Variants in DGKE observed in about 807,000 individuals in gnomAD.
DGKE encodes diacylglycerol kinase epsilon.
A neutral mutation model predicts 70.0 loss-of-function variants in DGKE; 53 were observed. That is an observed-to-expected ratio of 0.76 (90% CI 0.61 to 0.95). The LOEUF is 0.95. Among genes scored for constraint, DGKE ranks in the 40% least tolerant of loss-of-function variants. The probability of loss-of-function intolerance (pLI) is 0.00; values close to 1 mark genes in which losing one functional copy is unlikely to be tolerated. For synonymous variants in DGKE, 291 were observed against 257.0 expected, an observed-to-expected ratio of 1.13 and a Z score of -1.27; for missense variants, 655 against 706.9, an observed-to-expected ratio of 0.93 and a Z score of 0.83.
chr17:56,862,931 T>C lies in DGKE; in HGVS notation c.*140T>C. 1 of 627,132 alleles carries C rather than the reference T, an allele frequency of 1.6e-6. No individual in the cohort carries two copies. Among genetic ancestry groups the C allele is most frequent in the Non-Finnish European group, 2.3e-6 (1 of 429,196 alleles). 38.8% of individuals were successfully genotyped at this position (627,132 alleles called of 1,614,324 possible). ...TATAATGGGTATACATTTTTGTAAATAGCATCCCCAAACCAGCCAGCCTTC... is the reference window on the plus strand; with the variant it reads ...TATAATGGGTATACATTTTTGTAAACAGCATCCCCAAACCAGCCAGCCTTC... On this transcript the variant is annotated 3_prime_UTR_variant, in exon 12 of 12. Transcript: ENST00000284061.
intron 2 of DGKE, among the ~76,000 whole-genome samples, chr17:56,843,763 A>T (rs778030476): frequency 6.8e-6 from 1 of 148,088 alleles, no homozygotes; most frequent in Non-Finnish European, 1.5e-5. Flanking sequence ...ATGCCACTGC[A>T]CTCCAGTCTG....
chr17:56,848,198 C>T (rs1001179069), intron 5 of DGKE, 133 bp downstream of exon 5: 19 of 542,716 alleles, frequency 3.5e-5, no homozygotes, highest in African/African-American at 3.2e-4. Flanking sequence ...CGCACTGTCA[C>T]CCAGGCTGGA....
At chr17:56,840,600 A>C (rs1906916129) in intron 2 of DGKE, among the ~76,000 whole-genome samples, 1 of 152,178 alleles carries the variant, frequency 6.6e-6, no homozygotes, top group Non-Finnish European at 1.5e-5. Context: ...GGCTGGTCTC[A>C]AACTTCTGAC....
chr17:56,840,274 G>A (rs940158779), intron 2 of DGKE, among the ~76,000 whole-genome samples: 11 of 152,292 alleles, frequency 7.2e-5, no homozygotes, highest in African/African-American at 2.4e-4. Flanking sequence ...TTTATGAATC[G>A]TGTTAGGACA....
intron 7 of DGKE, among the ~76,000 whole-genome samples, chr17:56,849,708 G>A (rs545106941): frequency 6.6e-6 from 1 of 152,246 alleles, no homozygotes; most frequent in South Asian, 2.1e-4. Flanking sequence ...AGTATAAAGG[G>A]GAGAGAGAAA....
chr17:56,845,184 T>C (rs1907209405), intron 3 of DGKE, among the ~76,000 whole-genome samples: 1 of 152,128 alleles, frequency 6.6e-6, no homozygotes, highest in African/African-American at 2.4e-5. Flanking sequence ...CATTTGACTT[T>C]GAGCTATTAG....
intron 8 of DGKE, among the ~76,000 whole-genome samples, chr17:56,857,799 G>A (rs886107494): frequency 3.3e-5 from 5 of 152,030 alleles, no homozygotes; most frequent in Admixed American, 1.3e-4. Flanking sequence ...TCTAGGCCGC[G>A]CATGGTGGCT....
intron 2 of DGKE, among the ~76,000 whole-genome samples, chr17:56,840,189 TC>T (rs1394294166): frequency 1.3e-5 from 2 of 152,122 alleles, no homozygotes; most frequent in Non-Finnish European, 2.9e-5. Context: ...ATAATAATAA[TC>T]TTTTCTGAAA....
At chr17:56,850,284 C>G (rs1471586380) in intron 7 of DGKE, among the ~76,000 whole-genome samples, 3 of 151,988 alleles carry the variant, frequency 2.0e-5, no homozygotes, top group Non-Finnish European at 4.4e-5. Flanking sequence ...GCCACCATGC[C>G]CAGATAGTTT....
Position 56,834,772 on chromosome 17 carries a change from G to C in DGKE, c.-18-6G>C, listed in dbSNP as rs1906461555. Reference sequence around the variant, plus strand: ...GGGGTGCACCGCCTGTTTCTTTTCTGGTTAGGTATCGTCCTTGGAGAAGAT... The same window carrying C: ...GGGGTGCACCGCCTGTTTCTTTTCTCGTTAGGTATCGTCCTTGGAGAAGAT... On this transcript the variant is annotated splice_polypyrimidine_tract_variant and splice_region_variant and intron_variant, in intron 1 of 11. Transcript: ENST00000284061. 6.4e-7 allele frequency: 1 copy of C among 1,571,608 alleles called. No homozygotes were observed. Among genetic ancestry groups the C allele is most frequent in the Admixed American group, 1.7e-5 (1 of 57,508 alleles).
At chr17:56,834,421 TG>T (rs1257196624) in intron 1 of DGKE, among the ~76,000 whole-genome samples, 161 bp downstream of exon 1, 2 of 152,204 alleles carry the variant, frequency 1.3e-5, no homozygotes, top group Non-Finnish European at 2.9e-5. Context: ...CGACCGGCGT[TG>T]CCTGGCCTGA....
chr17:56,857,588 T>C (rs902254241), intron 8 of DGKE, among the ~76,000 whole-genome samples: 1 of 152,350 alleles, frequency 6.6e-6, no homozygotes, highest in Non-Finnish European at 1.5e-5. Flanking sequence ...TTTATACAAT[T>C]GATAATTAAC....
intron 7 of DGKE, among the ~76,000 whole-genome samples, chr17:56,853,852 T>C (rs1007987472): frequency 6.6e-6 from 1 of 152,142 alleles, no homozygotes; most frequent in Non-Finnish European, 1.5e-5. Context: ...CAAACAGATG[T>C]CCATGCTGCC....
In DGKE at chr17:56,867,196, A is replaced by T. The variant is rs1908556021; in HGVS notation, c.*4405A>T. 1 of 152,266 alleles carries T rather than the reference A, an allele frequency of 6.6e-6. No homozygotes were observed. The highest frequency in any genetic ancestry group is 2.1e-4 in the South Asian group (1 of 4,836). 9.4% of individuals were successfully genotyped at this position (152,266 alleles called of 1,614,324 possible). A position where few individuals can be genotyped will look rare whatever the true frequency, so the allele number is the denominator to read the frequency against. On this transcript the variant is annotated 3_prime_UTR_variant, in exon 12 of 12. Coordinates refer to ENST00000284061, the MANE Select transcript of DGKE (RefSeq NM_003647.3). ...TCCAGGGTTCTGGGGAAAGAATTTT[A>T]AAATGCCATCCTCTAATACAGACGT...
At chr17:56,854,203 G>A (rs1598039892) in intron 7 of DGKE, among the ~76,000 whole-genome samples, 2 of 152,106 alleles carry the variant, frequency 1.3e-5, no homozygotes, top group Admixed American at 1.3e-4. Context: ...TTGGTTAATA[G>A]GTACAAAGTT....
rs745721250 is a variant in DGKE, at chr17:56,845,803, A to G, written c.738A>G (p.Pro246=). The change falls in exon 4 of 12, where the codon CCA becomes CCG. Residue 246 remains proline (P), a synonymous_variant. Coordinates refer to ENST00000284061, the MANE Select transcript of DGKE (RefSeq NM_003647.3). ...GAGAATTTAGGATCTTGTTGAATCCAGTCCAGGTAACTAAAGAAAAAAACT... is the reference window on the plus strand; with the variant it reads ...GAGAATTTAGGATCTTGTTGAATCCGGTCCAGGTAACTAAAGAAAAAAACT... The part of the protein sequence containing the change: ...LLGEFRILLN[P]VQVFDVTKTP... 14 of 1,578,254 alleles carry G rather than the reference A, an allele frequency of 8.9e-6. No homozygotes were observed. Among genetic ancestry groups the G allele is most frequent in the Non-Finnish European group, 1.2e-5 (14 of 1,167,344 alleles).
intron 9 of DGKE, 43 bp downstream of exon 9, chr17:56,858,708 C>G (rs1908103845): frequency 7.2e-7 from 1 of 1,398,152 alleles, no homozygotes; most frequent in Non-Finnish European, 9.8e-7. Flanking sequence ...TTTAGGTGGT[C>G]TCTGGATTAT....
chr17:56,850,509 A>G (rs1388367270), intron 7 of DGKE, among the ~76,000 whole-genome samples: 1 of 152,240 alleles, frequency 6.6e-6, no homozygotes, highest in South Asian at 2.1e-4. Context: ...TAAAGAGTGT[A>G]GTAAGTAAAT....
At chr17:56,860,301 G>A (rs1285548115) in intron 9 of DGKE, among the ~76,000 whole-genome samples, 1 of 152,176 alleles carries the variant, frequency 6.6e-6, no homozygotes, top group African/African-American at 2.4e-5. Flanking sequence ...ACTTTGGGAG[G>A]CCAAGGTGGG....
Sources: gnomAD v4.1 joint callset for allele counts (sites outside exome capture counted in the v4.1 genomes callset) on GRCh38, gnomAD v4.1.1 for gene constraint, MANE v1.5 for transcripts, NCBI Gene and HGNC (gene_info 2026-07-23, HGNC 2026-07-21) for gene names.